ARNT2: variants seen among roughly 807,000 people sequenced by gnomAD.
The protein encoded by ARNT2 is aryl hydrocarbon receptor nuclear translocator 2.
Under a neutral mutation model 91.7 loss-of-function variants are expected in ARNT2, and 36 were observed. The ratio of observed to expected loss-of-function variants is 0.39; its 90% CI spans 0.30 to 0.52. The LOEUF is 0.52. ARNT2 is among the 20% of genes least tolerant of loss of function. The probability of loss-of-function intolerance (pLI) is 0.72; values close to 1 mark genes in which losing one functional copy is unlikely to be tolerated. For synonymous variants in ARNT2, 365 were observed against 347.1 expected (o/e 1.05, Z -0.57); for missense variants, 775 against 939.3 (o/e 0.83, Z 2.29).
intron 5 of ARNT2, among the ~76,000 whole-genome samples, chr15:80,479,503 G>T (rs534407723): frequency 1.1e-4 from 17 of 152,150 alleles, no homozygotes; most frequent in Non-Finnish European, 2.4e-4. Context: ...AGGGAGTTGG[G>T]AGCTCCCTGC....
rs555190330 is a variant in ARNT2 at position 80,591,851 on chromosome 15, A to G, written c.2055+147A>G. The G allele has an allele frequency of 6.1e-5, 80 of 1,310,058 alleles. No individual in the cohort carries two copies. Among genetic ancestry groups the G allele is most frequent in the Non-Finnish European group, 8.0e-5 (78 of 971,740 alleles). 81.2% of individuals were successfully genotyped at this position (1,310,058 alleles called of 1,614,324 possible). ...GGCTCGAGGGAGTCCAGGAGTAGAA[A>G]GCCCCATCCTACCCAGCCAGAAACG... is the stretch of plus-strand genomic sequence containing the variant. On this transcript the variant is annotated intron_variant, in intron 18 of 18. Transcript: ENST00000303329. This position sits in a 1 kb window ranked among gnomAD's most constrained non-coding sequence, Gnocchi z 5.1.
Position 80,552,693 on chromosome 15 carries a change from G to C in ARNT2, c.1008G>C (p.Glu336Asp), listed in dbSNP as rs931319982. The change falls in exon 10 of 19, where the codon GAG (glutamate) becomes GAC (aspartate). Residue 336 changes from glutamate (E) to aspartate (D), a missense_variant. Coordinates refer to ENST00000303329, the MANE Select transcript of ARNT2 (RefSeq NM_014862.4). Reference sequence around the variant, plus strand: ...TGAATGGGATGTCGGTGCCCACAGAGTTCTTATCCCGGCATAACTCCGATG... The same window carrying C: ...TGAATGGGATGTCGGTGCCCACAGACTTCTTATCCCGGCATAACTCCGATG... ...MDMNGMSVPT[E>D]FLSRHNSDGI... The C allele has an allele frequency of 6.2e-7, 1 of 1,614,134 alleles. No homozygotes were observed. Among genetic ancestry groups the C allele is most frequent in the South Asian group, 1.1e-5 (1 of 91,066 alleles).
chr15:80,597,265 G>A lies in ARNT2; in HGVS notation c.*3567G>A, dbSNP rs770691294. Reference sequence around the variant, plus strand: ...CCATAAGCTATGCGAGAATGTGAACGCTCACCTTGCTCCGTCACGGTTCTG... The same window carrying A: ...CCATAAGCTATGCGAGAATGTGAACACTCACCTTGCTCCGTCACGGTTCTG... On this transcript the variant is annotated 3_prime_UTR_variant, in exon 19 of 19. Transcript: ENST00000303329. The A allele has an allele frequency of 4.8e-5, 25 of 518,162 alleles. No individual in the cohort carries two copies. The highest frequency in any genetic ancestry group is 7.7e-5 in the Non-Finnish European group (20 of 259,790). 32.1% of individuals were successfully genotyped at this position (518,162 alleles called of 1,614,324 possible). A position where few individuals can be genotyped will look rare whatever the true frequency, so the allele number is the denominator to read the frequency against.
intron 11 of ARNT2, among the ~76,000 whole-genome samples, chr15:80,558,333 C>CTTTTT (rs56720700): frequency 1.9e-5 from 2 of 103,366 alleles, no homozygotes; most frequent in African/African-American, 3.9e-5. Context: ...TACGTCTGTG[C>CTTTTT]TTTTTTTTTT....
rs61034995 is a variant in ARNT2, at chr15:80,515,735, C to CAA, written c.877+1344_877+1345dup. On this transcript the variant is annotated intron_variant, in intron 8 of 18. Transcript: ENST00000303329. ...TATATCAATAAATTTGTTCCTAAAC[C>CAA]AAAAAAAAAAAAAAATACAATGTTA... Among the ~76,000 whole-genome samples the CAA allele has an allele frequency of 3.2e-3, 442 of 136,198 alleles. 2 individuals are homozygous for CAA. Among genetic ancestry groups the CAA allele is most frequent in the Non-Finnish European group, 4.7e-3 (290 of 62,330 alleles). 89.4% of individuals were successfully genotyped at this position (136,198 alleles called of 152,430 possible).
intron 17 of ARNT2, among the ~76,000 whole-genome samples, chr15:80,587,015 A>G (rs940468814): frequency 3.4e-4 from 52 of 152,298 alleles, no homozygotes; most frequent in Middle Eastern, 3.4e-3. Flanking sequence ...GCTCCTGCCC[A>G]TAAAGCTCAG....
At chr15:80,457,019 G>A (rs1896491002) in intron 2 of ARNT2, among the ~76,000 whole-genome samples, 1 of 152,212 alleles carries the variant, frequency 6.6e-6, no homozygotes, top group Admixed American at 6.5e-5. Flanking sequence ...GGATGTCCAG[G>A]AAAGCTCAGA....
At chr15:80,539,625 G>C (rs1228502896) in intron 8 of ARNT2, among the ~76,000 whole-genome samples, 11 of 151,998 alleles carry the variant, frequency 7.2e-5, no homozygotes, top group Non-Finnish European at 1.6e-4. Flanking sequence ...TACTTAAGAG[G>C]TAGAAAAGTA....
At chr15:80,507,325 T>C (rs1012355739) in intron 5 of ARNT2, among the ~76,000 whole-genome samples, 9 of 152,048 alleles carry the variant, frequency 5.9e-5, no homozygotes, top group African/African-American at 2.2e-4. Context: ...AGGTGGGGGA[T>C]GGATGCAGAA....
intron 5 of ARNT2, among the ~76,000 whole-genome samples, chr15:80,496,992 A>G (rs979739793): frequency 1.3e-5 from 2 of 152,174 alleles, no homozygotes; most frequent in South Asian, 2.1e-4. Context: ...GGGGACACAG[A>G]GATATTCAAC....
intron 2 of ARNT2, among the ~76,000 whole-genome samples, chr15:80,453,098 C>G (rs1440266387): frequency 2.0e-5 from 3 of 152,216 alleles, no homozygotes; most frequent in African/African-American, 7.2e-5. Context: ...AGAAGTCCTG[C>G]ACCACTGTGC....
At chr15:80,531,903 T>TC (rs1446144484) in intron 8 of ARNT2, among the ~76,000 whole-genome samples, 1 of 152,006 alleles carries the variant, frequency 6.6e-6, no homozygotes, top group Non-Finnish European at 1.5e-5. Context: ...GCACTTCCTT[T>TC]CCCTTGACCA....
intron 17 of ARNT2, among the ~76,000 whole-genome samples, chr15:80,585,903 G>A (rs976896366): frequency 5.3e-5 from 8 of 152,210 alleles, no homozygotes; most frequent in Admixed American, 2.6e-4. Flanking sequence ...TCTCTCCAGC[G>A]TCCTCTGCTG....
In ARNT2 at chr15:80,478,481, A is replaced by G. The variant is rs149710599; in HGVS notation, c.622+3258A>G. Among the ~76,000 whole-genome samples, 326 of 152,352 alleles carry G rather than the reference A, an allele frequency of 2.1e-3. 5 individuals carry two copies. The East Asian group carries it at 0.025, about 12-fold the overall frequency. ...TGTGGCCAAGGCAGCCAGAACCAGT[A>G]CAGTGGAGGGTGTCCTCCAAGATGC... On this transcript the variant is annotated intron_variant, in intron 5 of 18. Transcript: ENST00000303329.
At chr15:80,486,432 T>A (rs1896974692) in intron 5 of ARNT2, among the ~76,000 whole-genome samples, 1 of 152,192 alleles carries the variant, frequency 6.6e-6, no homozygotes, top group African/African-American at 2.4e-5. Context: ...GGGGAGTTGA[T>A]CCACTCACTC....
intron 1 of ARNT2, among the ~76,000 whole-genome samples, chr15:80,418,787 C>T (rs1157191985): frequency 2.6e-5 from 4 of 152,170 alleles, no homozygotes; most frequent in African/African-American, 9.7e-5. Flanking sequence ...AGGCTGAGTC[C>T]CAAGACAATC....
At chr15:80,530,197 G>A (rs924620492) in intron 8 of ARNT2, among the ~76,000 whole-genome samples, 1 of 152,150 alleles carries the variant, frequency 6.6e-6, no homozygotes, top group Non-Finnish European at 1.5e-5. Context: ...GATATTTCAG[G>A]CCCTGACACG....
intron 8 of ARNT2, among the ~76,000 whole-genome samples, chr15:80,528,909 C>A (rs79798766): frequency 0.085 from 12,865 of 152,186 alleles, 593 homozygotes; most frequent in Middle Eastern, 0.13. Flanking sequence ...AGACACAAAT[C>A]TTTTTCAAGA....
At chr15:80,475,769 ATATAT>A (rs1379770650) in intron 5 of ARNT2, among the ~76,000 whole-genome samples, 1 of 152,126 alleles carries the variant, frequency 6.6e-6, no homozygotes, top group African/African-American at 2.4e-5. Context: ...GTTGTCGTTG[ATATAT>A]TAGCCAGATC....
Sources: allele counts gnomAD v4.1 joint callset (sites outside exome capture counted in the v4.1 genomes callset), GRCh38; gene constraint gnomAD v4.1.1; non-coding constraint Gnocchi (gnomAD v3.1); transcripts MANE v1.5; gene names NCBI Gene and HGNC (gene_info 2026-07-23, HGNC 2026-07-21).